The following MED12L variants were observed in gnomAD, a reference collection of about 807,000 sequenced individuals.
MED12L encodes mediator complex subunit 12L.
MED12L carries 60 observed loss-of-function variants against 281.3 expected under a neutral mutation model. The ratio of observed to expected loss-of-function variants is 0.21; its 90% CI spans 0.17 to 0.26. MED12L has a LOEUF of 0.26. Ranked by LOEUF, MED12L falls within the 10% of genes least tolerant of loss-of-function variation. The pLI, the probability that MED12L is intolerant of heterozygous loss-of-function variation, is 1.00. For missense variants in MED12L, 2,146 were observed against 2,680.9 expected (o/e 0.80, Z 4.41); for synonymous variants, 974 against 987.2 (o/e 0.99, Z 0.25).
chr3:151,225,105 G>A (rs1439514214), intron 16 of MED12L, among the ~76,000 whole-genome samples: 3 of 152,120 alleles, frequency 2.0e-5, no homozygotes, highest in African/African-American at 7.2e-5. Context: ...TGCCTATTGG[G>A]CTTGCCTTTC....
intron 16 of MED12L, among the ~76,000 whole-genome samples, chr3:151,272,274 C>G (rs146208146): frequency 6.6e-6 from 1 of 152,264 alleles, no homozygotes; most frequent in African/African-American, 2.4e-5. Context: ...CAAATAGGGT[C>G]AAGGTTTCTC....
intron 43 of MED12L, among the ~76,000 whole-genome samples, chr3:151,417,616 G>A (rs1717769453): frequency 6.7e-6 from 1 of 149,738 alleles, no homozygotes; most frequent in South Asian, 2.1e-4. Flanking sequence ...CTCCCAAGTA[G>A]CTGGGATTAC....
rs767181591 is a variant in MED12L, at chr3:151,244,916, A to AT, written c.2250+51251dup. ...AAGAGAGAAGAATCTAATAGACCCA[A>AT]TAAAAAATGATAAAGGGGATATCAC... On this transcript the variant is annotated intron_variant, in intron 16 of 44. Transcript: ENST00000687756. Among the ~76,000 whole-genome samples, 268 of 152,350 alleles carry AT rather than the reference A, an allele frequency of 1.8e-3. 1 individual carries two copies. The highest frequency in any genetic ancestry group is 3.1e-3 in the Non-Finnish European group (211 of 68,040).
Position 151,364,937 on chromosome 3 carries a change from A to G in MED12L, c.2958-42A>G. 3.0e-6 allele frequency: 4 copies of G among 1,341,640 alleles called. 1 individual carries two copies. The highest frequency in any genetic ancestry group is 4.3e-6 in the Non-Finnish European group (4 of 934,092). The allele number at this position is 1,341,640 out of a possible 1,614,324, so 83.1% of individuals were successfully genotyped here. A position where few individuals can be genotyped will look rare whatever the true frequency, so the allele number is the denominator to read the frequency against. On this transcript the variant is annotated intron_variant, in intron 21 of 44. Coordinates refer to ENST00000687756, the MANE Select transcript of MED12L (RefSeq NM_001393769.1). The stretch of plus-strand genomic sequence containing the variant: ...AGTGAAATAGTTTTCTAGTTATTCT[A>G]GTTTTATTTTTCTGTTTTAACTTTT...
chr3:151,320,606 A>G (rs561070507), intron 16 of MED12L, among the ~76,000 whole-genome samples: 79 of 152,266 alleles, frequency 5.2e-4, no homozygotes, highest in African/African-American at 1.9e-3. Flanking sequence ...ATTTGTATCT[A>G]TCAGGTCTGC....
chr3:151,295,148 T>C (rs1040064840), intron 16 of MED12L: 1 of 1,613,606 alleles, frequency 6.2e-7, no homozygotes, highest in Non-Finnish European at 8.5e-7. Context: ...AAGGGTGGTG[T>C]TCTTTCCTGG....
intron 6 of MED12L, 91 bp from the exon 7 acceptor site, chr3:151,158,598 A>T: frequency 1.4e-6 from 1 of 735,930 alleles, no homozygotes; most frequent in Non-Finnish European, 2.3e-6. Context: ...CAAAAACAGT[A>T]GTACAGTTAG....
At chr3:151,222,514 A>G (rs943400701) in intron 16 of MED12L, among the ~76,000 whole-genome samples, 2 of 152,068 alleles carry the variant, frequency 1.3e-5, no homozygotes, top group Admixed American at 6.5e-5. Context: ...GTGATAGTGG[A>G]TGGGTCTCAT....
chr3:151,390,873 C>G (rs966438453), intron 38 of MED12L, among the ~76,000 whole-genome samples: 2 of 152,062 alleles, frequency 1.3e-5, no homozygotes, highest in Admixed American at 1.3e-4. Context: ...AGGGGGAAAT[C>G]CATATTTTGT....
chr3:151,158,640 GTTT>G, intron 6 of MED12L, 46 bp from the exon 7 acceptor site: 2 of 1,296,644 alleles, frequency 1.5e-6, no homozygotes, highest in Non-Finnish European at 2.2e-6. Context: ...TGCCTTTTTT[GTTT>G]TTTTTCTTTA....
chr3:151,309,720 C>T (rs9838990), intron 16 of MED12L, among the ~76,000 whole-genome samples: 16,830 of 152,116 alleles, frequency 0.11, 1,230 homozygotes, highest in Middle Eastern at 0.17. Flanking sequence ...TTGTTGTTTG[C>T]CTGACTACCA....
chr3:151,350,652 T>C (rs1175712643), intron 17 of MED12L, among the ~76,000 whole-genome samples: 3 of 152,166 alleles, frequency 2.0e-5, no homozygotes, highest in African/African-American at 7.2e-5. Context: ...TAATTGAAAA[T>C]CATGACAGCA....
At position 151,409,243 on chromosome 3, in the gene MED12L, GGCCAGCC is replaced by G; in HGVS notation, c.5823_5829del (p.Gln1942GlyfsTer73). Reference sequence around the variant, plus strand: ...AGTTTGCTTTGGCTTTGTTTTCCAGGGCCAGCCGGGGGACCAGGCTGCTCTCTTTGCT... The same window carrying G: ...AGTTTGCTTTGGCTTTGTTTTCCAGGGGGGGACCAGGCTGCTCTCTTTGCT... On this transcript the variant is annotated frameshift_variant and splice_region_variant, in exon 40 of 45. Transcript: ENST00000687756. LOFTEE classifies it high-confidence loss of function. 6.3e-7 allele frequency: 1 copy of G among 1,586,988 alleles called. No individual in the cohort carries two copies.
chr3:151,107,965 G>A (rs73155782), intron 2 of MED12L, among the ~76,000 whole-genome samples: 3 of 152,210 alleles, frequency 2.0e-5, no homozygotes, highest in Admixed American at 1.3e-4. Flanking sequence ...AGTCCTGGGC[G>A]ACTGTGTTTT....
chr3:151,423,937 T>C (rs1309833559), intron 43 of MED12L, among the ~76,000 whole-genome samples: 2 of 152,236 alleles, frequency 1.3e-5, no homozygotes, highest in Non-Finnish European at 2.9e-5. Context: ...ATTTGCCTTT[T>C]AAAAATATGC....
At chr3:151,232,990 C>T (rs1019919340) in intron 16 of MED12L, among the ~76,000 whole-genome samples, 1 of 152,118 alleles carries the variant, frequency 6.6e-6, no homozygotes, top group Non-Finnish European at 1.5e-5. Flanking sequence ...TTCAAATATT[C>T]TTCTAACAGC....
chr3:151,240,375 T>C (rs1733836026), intron 16 of MED12L, among the ~76,000 whole-genome samples: 1 of 152,234 alleles, frequency 6.6e-6, no homozygotes, highest in African/African-American at 2.4e-5. Context: ...ATTTTACACT[T>C]TTATCCTAAT....
intron 11 of MED12L, 91 bp from the exon 12 acceptor site, chr3:151,185,239 A>G: frequency 8.0e-7 from 1 of 1,256,500 alleles, no homozygotes; most frequent in Non-Finnish European, 1.1e-6. Flanking sequence ...AAAAGCTTTA[A>G]AGTGTTAGAT....
At chr3:151,213,064 T>G (rs1379191934) in intron 16 of MED12L, 1 of 284,478 alleles carries the variant, frequency 3.5e-6, no homozygotes, top group Non-Finnish European at 6.4e-6. Flanking sequence ...ATTGTATGTA[T>G]TAATTTTTTA....
Sources: gnomAD v4.1 joint callset for allele counts (sites outside exome capture counted in the v4.1 genomes callset) on GRCh38, gnomAD v4.1.1 for gene constraint, MANE v1.5 for transcripts, NCBI Gene and HGNC (gene_info 2026-07-23, HGNC 2026-07-21) for gene names.